ZBTB20: variants seen among roughly 807,000 people sequenced by gnomAD.
ZBTB20 encodes zinc finger and BTB domain containing 20, also known as zinc finger and BTB domain-containing protein 20.
ZBTB20 carries 9 observed loss-of-function variants against 56.9 expected under a neutral mutation model. That is an observed-to-expected ratio of 0.16 (90% CI 0.10 to 0.28). The LOEUF (loss-of-function observed/expected upper bound fraction) is 0.28. Ranked by LOEUF, ZBTB20 falls within the 10% of genes least tolerant of loss-of-function variation. The pLI is 1.00. For synonymous variants in ZBTB20, 417 were observed against 420.7 expected, an observed-to-expected ratio of 0.99 and a Z score of 0.11; for missense variants, 655 against 1,003.0, an observed-to-expected ratio of 0.65 and a Z score of 4.69.
At chr3:114,761,523 T>C (rs1289924159) in intron 5 of ZBTB20, among the ~76,000 whole-genome samples, 4 of 152,146 alleles carry the variant, frequency 2.6e-5, no homozygotes, top group South Asian at 4.1e-4. Flanking sequence ...TCACAAGTAA[T>C]GTTTATGTTG....
intron 7 of ZBTB20, among the ~76,000 whole-genome samples, chr3:114,498,896 C>T (rs944777015): frequency 2.0e-5 from 3 of 152,156 alleles, no homozygotes; most frequent in Non-Finnish European, 2.9e-5. Flanking sequence ...ATAGCACTGA[C>T]GTCACAATAG....
chr3:115,125,411 G>A (rs2084303019), intron 1 of ZBTB20, among the ~76,000 whole-genome samples: 2 of 151,220 alleles, frequency 1.3e-5, no homozygotes, highest in African/African-American at 4.9e-5. Context: ...TTAAAAAGAA[G>A]AAAATTCTGT....
At chr3:114,916,664 A>G (rs1390301022) in intron 3 of ZBTB20, among the ~76,000 whole-genome samples, 1 of 152,120 alleles carries the variant, frequency 6.6e-6, no homozygotes, top group Non-Finnish European at 1.5e-5. Flanking sequence ...TTCACCAGGT[A>G]TACTATTATA....
Position 115,010,087 on chromosome 3 carries a change from G to A in ZBTB20, c.-506-35671C>T, listed in dbSNP as rs546778502. Among the ~76,000 whole-genome samples the A allele has an allele frequency of 1.7e-4, 26 of 152,038 alleles. No individual in the cohort carries two copies. The South Asian group carries it at 4.8e-3, about 28-fold the overall frequency. On this transcript the variant is annotated intron_variant, in intron 2 of 11. Transcript: ENST00000675478. Reference sequence around the variant, plus strand: ...CACTAAGCAAAAAACAAAACAATGAGCATTGACCTTTACCTTTCTCTGGTA... The same window carrying A: ...CACTAAGCAAAAAACAAAACAATGAACATTGACCTTTACCTTTCTCTGGTA...
intron 6 of ZBTB20, among the ~76,000 whole-genome samples, chr3:114,504,070 C>T (rs1011541865): frequency 6.6e-6 from 1 of 152,202 alleles, no homozygotes; most frequent in East Asian, 1.9e-4. Flanking sequence ...TAGCTACTCA[C>T]CTCTACAGAG....
chr3:114,418,304 G>A (rs1350543893), intron 7 of ZBTB20, among the ~76,000 whole-genome samples: 3 of 151,998 alleles, frequency 2.0e-5, no homozygotes, highest in Non-Finnish European at 4.4e-5. Context: ...CAGCCTTATG[G>A]CTATTACTCA....
chr3:114,651,814 A>G (rs1351887158), intron 6 of ZBTB20, among the ~76,000 whole-genome samples: 1 of 151,986 alleles, frequency 6.6e-6, no homozygotes, highest in Admixed American at 6.6e-5. Context: ...TTAATTAGAT[A>G]TTTCTGTCTT....
At chr3:114,769,875 A>G (rs912187868) in intron 5 of ZBTB20, among the ~76,000 whole-genome samples, 1 of 151,966 alleles carries the variant, frequency 6.6e-6, no homozygotes, top group African/African-American at 2.4e-5. Context: ...CCTGGCCCAC[A>G]TGGTGAAACC....
chr3:114,479,135 T>C (rs921749966), intron 7 of ZBTB20, among the ~76,000 whole-genome samples: 2 of 152,024 alleles, frequency 1.3e-5, no homozygotes, highest in Admixed American at 1.3e-4. Flanking sequence ...GTGAGTTCTA[T>C]TTTGGATTTT....
At chr3:114,593,241 G>A (rs762892889) in intron 6 of ZBTB20, among the ~76,000 whole-genome samples, 6 of 152,076 alleles carry the variant, frequency 3.9e-5, no homozygotes, top group Non-Finnish European at 5.9e-5. Context: ...ACTTGGGGTC[G>A]TTTTGAGATG....
In ZBTB20 at chr3:114,331,919, T is replaced by A. The variant is rs2079272426; in HGVS notation, c.*7086A>T. 1 of 152,024 alleles carries A rather than the reference T, an allele frequency of 6.6e-6. No homozygotes were observed. Among genetic ancestry groups the A allele is most frequent in the East Asian group, 1.9e-4 (1 of 5,202 alleles). The allele number at this position is 152,024 out of a possible 1,614,324, so 9.4% of individuals were successfully genotyped here. A position where few individuals can be genotyped will look rare whatever the true frequency, so the allele number is the denominator to read the frequency against. On this transcript the variant is annotated 3_prime_UTR_variant, in exon 12 of 12. Coordinates refer to ENST00000675478, the MANE Select transcript of ZBTB20 (RefSeq NM_001348800.3). ...ACATGTATAAATAATGTATACTCAT[T>A]TATAGACATTTTGGACAGCAGCGGT...
intron 1 of ZBTB20, among the ~76,000 whole-genome samples, chr3:115,078,105 G>A (rs2082659485): frequency 6.6e-6 from 1 of 152,090 alleles, no homozygotes; most frequent in Non-Finnish European, 1.5e-5. Flanking sequence ...AGAAAATCTG[G>A]CTCCAAAGTC....
intron 4 of ZBTB20, among the ~76,000 whole-genome samples, chr3:114,818,433 T>A (rs1305384956): frequency 6.6e-6 from 1 of 152,090 alleles, no homozygotes; most frequent in African/African-American, 2.4e-5. Context: ...CAAATTATCC[T>A]ATAATGTTTT....
At chr3:114,766,078 A>T (rs1389468959) in intron 5 of ZBTB20, among the ~76,000 whole-genome samples, 1 of 152,198 alleles carries the variant, frequency 6.6e-6, no homozygotes, top group African/African-American at 2.4e-5. Context: ...GTCTACTTAG[A>T]AGAAAACTAC....
chr3:114,717,771 T>C (rs1402151233), intron 5 of ZBTB20, among the ~76,000 whole-genome samples: 1 of 152,152 alleles, frequency 6.6e-6, no homozygotes, highest in East Asian at 1.9e-4. Flanking sequence ...CGTTCCACTC[T>C]ACCATATCTA....
intron 4 of ZBTB20, among the ~76,000 whole-genome samples, chr3:114,825,616 T>C (rs1447968571): frequency 6.6e-6 from 1 of 151,826 alleles, no homozygotes; most frequent in Non-Finnish European, 1.5e-5. Flanking sequence ...GTGTGAGCTA[T>C]AGCATCATCG....
At chr3:114,509,662 G>T (rs2045102511) in intron 6 of ZBTB20, among the ~76,000 whole-genome samples, 2 of 152,094 alleles carry the variant, frequency 1.3e-5, no homozygotes, top group Admixed American at 1.3e-4. Context: ...TCCATGAAGT[G>T]CTGTTACTAC....
intron 6 of ZBTB20, among the ~76,000 whole-genome samples, chr3:114,524,527 A>T (rs1257390446): frequency 6.6e-6 from 1 of 152,220 alleles, no homozygotes; most frequent in African/African-American, 2.4e-5. Context: ...AGACAACTGC[A>T]TCAAGGGGGA....
At chr3:114,887,906 A>G (rs947598107) in intron 4 of ZBTB20, among the ~76,000 whole-genome samples, 23 of 152,124 alleles carry the variant, frequency 1.5e-4, no homozygotes, top group Admixed American at 2.6e-4. Context: ...ATAAAAATCA[A>G]TGAGAAAACT....
Sources: allele counts gnomAD v4.1 joint callset (sites outside exome capture counted in the v4.1 genomes callset), GRCh38; gene constraint gnomAD v4.1.1; transcripts MANE v1.5; gene names NCBI Gene and HGNC (gene_info 2026-07-23, HGNC 2026-07-21).